The following TROAP variants were observed in gnomAD, a reference collection of about 807,000 sequenced individuals.
TROAP encodes the protein trophinin associated protein.
Under a neutral mutation model 83.4 loss-of-function variants are expected in TROAP, and 62 were observed. The ratio of observed to expected loss-of-function variants is 0.74; its 90% CI spans 0.61 to 0.92. The LOEUF is 0.92. Among genes scored for constraint, TROAP ranks in the 40% least tolerant of loss-of-function variants. The pLI is 0.00. For missense variants in TROAP, 876 were observed against 985.1 expected (o/e 0.89, Z 1.48); for synonymous variants, 352 against 386.4 (o/e 0.91, Z 1.04).
chr12:49,328,805 A>G (rs1160031948), intron 8 of TROAP, 122 bp from the exon 9 acceptor site: 2 of 1,346,622 alleles, frequency 1.5e-6, no homozygotes, highest in Non-Finnish European at 9.8e-7. Flanking sequence ...CGGAGCTTGC[A>G]GTGAGCCAAG....
Position 49,330,569 on chromosome 12 carries a change from T to C in TROAP, c.1724T>C (p.Leu575Pro), listed in dbSNP as rs1385049571. ...CCGGAGTCCTCTCGCCAGGAACAGCTTGAGGTACCTGAGCCCTGCCCTCCA... is the reference window on the plus strand; with the variant it reads ...CCGGAGTCCTCTCGCCAGGAACAGCCTGAGGTACCTGAGCCCTGCCCTCCA... Reference protein sequence around the residue: ...EIPESSRQEQLEVPEPCPPAE... With the variant: ...EIPESSRQEQPEVPEPCPPAE... Residue 575 changes from leucine (L) to proline (P), a missense_variant, in exon 13 of 15, where the codon CTT (leucine) becomes CCT (proline). Around this residue, in one of 3 missense-constraint regions of TROAP, gnomAD observed 3 missense variants for 24.1 expected, o/e 0.12. Coordinates refer to ENST00000257909, the MANE Select transcript of TROAP (RefSeq NM_005480.4). 3.7e-6 allele frequency: 6 copies of C among 1,613,804 alleles called. No homozygotes were observed. In the South Asian group the frequency reaches 6.6e-5, roughly 18 times the overall value.
In TROAP at chr12:49,330,171, G is replaced by T. The variant is rs1265461508; in HGVS notation, c.1326G>T (p.Leu442Phe). The T allele has an allele frequency of 6.2e-7, 1 of 1,613,962 alleles. No homozygotes were observed. The highest frequency in any genetic ancestry group is 1.7e-5 in the Admixed American group (1 of 60,010). Residue 442 changes from leucine (L) to phenylalanine (F), a missense_variant, in exon 13 of 15, where the codon TTG becomes TTT. By Grantham distance (22) the Leu-to-Phe change is conservative (BLOSUM62 0). Transcript: ENST00000257909. ...GCATCGGTATCCTGCAACAGCTGTT[G>T]AGACAGGAAGTAGAGGGGCTGGTAG... ...IQRIGILQQLLRQEVEGLVGG... is the reference protein window; with the variant it reads ...IQRIGILQQLFRQEVEGLVGG...
intron 5 of TROAP, 83 bp from the exon 6 acceptor site, chr12:49,325,993 G>A: frequency 2.5e-6 from 4 of 1,605,094 alleles, no homozygotes; most frequent in Non-Finnish European, 3.4e-6. Flanking sequence ...GGATCCTACT[G>A]GGGGAGATGG....
Position 49,331,405 on chromosome 12 carries a change from C to CT in TROAP, c.2291dup (p.Cys765ValfsTer29). ...TACATTACTCGAATGGCAGGATGCC[C>CT]TGGTGAGACTCCAACCCACAGCCCA... On this transcript the variant is annotated frameshift_variant and splice_region_variant, in exon 14 of 15. Transcript: ENST00000257909. LOFTEE classifies it high-confidence loss of function. 2.5e-6 allele frequency: 4 copies of CT among 1,612,382 alleles called. No individual in the cohort carries two copies. Among genetic ancestry groups the CT allele is most frequent in the Non-Finnish European group, 3.4e-6 (4 of 1,178,768 alleles).
In TROAP at chr12:49,331,259, T is replaced by C. The variant is rs1403121394; in HGVS notation, c.2144T>C (p.Leu715Pro). 3 of 1,614,126 alleles carry C rather than the reference T, an allele frequency of 1.9e-6. No homozygotes were observed. The highest frequency in any genetic ancestry group is 2.5e-6 in the Non-Finnish European group (3 of 1,180,024). Reference sequence around the variant, plus strand: ...CGAACCCTAGCCCTGAGGGAGCGCCTCAAATCGTGTTTAACCGCCATCCAC... The same window carrying C: ...CGAACCCTAGCCCTGAGGGAGCGCCCCAAATCGTGTTTAACCGCCATCCAC... The part of the protein sequence containing the change: ...APRTLALRER[L>P]KSCLTAIHCF... Residue 715 changes from leucine (L) to proline (P), a missense_variant, in exon 14 of 15, where the codon CTC becomes CCC. Around this residue, in one of 3 missense-constraint regions of TROAP, gnomAD observed 184 missense variants for 238.3 expected, o/e 0.77. Transcript: ENST00000257909.
rs1482309266 is a variant in TROAP at position 49,326,172 on chromosome 12, G to A, written c.716+14G>A. ...TGGCAGCAGCCGGTGAGAAAGGAGAGGGTGTGGGAGAAGGTCATCTGGAAA... is the reference window on the plus strand; with the variant it reads ...TGGCAGCAGCCGGTGAGAAAGGAGAAGGTGTGGGAGAAGGTCATCTGGAAA... On this transcript the variant is annotated intron_variant, in intron 6 of 14. Coordinates refer to ENST00000257909, the MANE Select transcript of TROAP (RefSeq NM_005480.4). The A allele has an allele frequency of 6.2e-7, 1 of 1,612,924 alleles. No homozygotes were observed. Among genetic ancestry groups the A allele is most frequent in the South Asian group, 1.1e-5 (1 of 91,042 alleles).
Position 49,323,988 on chromosome 12 carries a change from G to A in TROAP, c.288G>A (p.Arg96=), listed in dbSNP as rs1267417851. The A allele has an allele frequency of 6.2e-7, 1 of 1,614,062 alleles. No homozygotes were observed. Among genetic ancestry groups the A allele is most frequent in the African/African-American group, 1.3e-5 (1 of 74,926 alleles). ...CTCGGAACCCCTTGGAAGAGCTCAG[G>A]CCTAGCCCTAGGGGTCAAAATGTGG... is the stretch of plus-strand genomic sequence containing the variant. The part of the protein sequence containing the change: ...SQPRNPLEEL[R]PSPRGQNVGP... The change falls in exon 3 of 15, where the codon AGG becomes AGA. Residue 96 remains arginine, a synonymous_variant. Coordinates refer to ENST00000257909, the MANE Select transcript of TROAP (RefSeq NM_005480.4).
rs1943550649 is a variant in TROAP at position 49,329,778 on chromosome 12, C to T, written c.1165-79C>T. On this transcript the variant is annotated intron_variant, in intron 11 of 14. Transcript: ENST00000257909. This position sits in a 1 kb window ranked among gnomAD's most constrained non-coding sequence, Gnocchi z 4.5. ...TCTCAGTTAGGGGCTTCAATCCATT[C>T]CTCATGAGGGTGGGACTCAGGCTGG... 2.5e-5 allele frequency: 39 copies of T among 1,564,340 alleles called. No homozygotes were observed. The highest frequency in any genetic ancestry group is 3.9e-4 in the Middle Eastern group (2 of 5,078).
intron 2 of TROAP, 44 bp from the exon 3 acceptor site, chr12:49,323,801 C>G (rs1247295496): frequency 2.5e-6 from 4 of 1,613,758 alleles, no homozygotes; most frequent in Non-Finnish European, 3.4e-6. Context: ...AGTAATGCAC[C>G]CCAACACTAA....
At position 49,331,427 on chromosome 12, in the gene TROAP, C is replaced by T. The variant is rs761350667; in HGVS notation, c.2292+20C>T. On this transcript the variant is annotated intron_variant, in intron 14 of 14. Coordinates refer to ENST00000257909, the MANE Select transcript of TROAP (RefSeq NM_005480.4). ...GCCCTGGTGAGACTCCAACCCACAG[C>T]CCAGCTGTGGCTGCACAGTGAGCCT... The T allele has an allele frequency of 1.2e-6, 2 of 1,609,938 alleles. No individual in the cohort carries two copies. Among genetic ancestry groups the T allele is most frequent in the Admixed American group, 3.3e-5 (2 of 59,862 alleles).
chr12:49,331,445 G>A (rs1468808921), intron 14 of TROAP, 38 bp downstream of exon 14: 12 of 1,608,570 alleles, frequency 7.5e-6, no homozygotes, highest in Non-Finnish European at 1.0e-5. Flanking sequence ...TGGCTGCACA[G>A]TGAGCCTGAT....
chr12:49,323,497 C>A (rs1302600686), intron 1 of TROAP, 107 bp from the exon 2 acceptor site: 1 of 1,455,140 alleles, frequency 6.9e-7, no homozygotes, highest in African/African-American at 1.4e-5. Context: ...GGCTTGTGGG[C>A]GCGTGGATTA....
In TROAP at chr12:49,329,749, G is replaced by A; in HGVS notation, c.1165-108G>A. The stretch of plus-strand genomic sequence containing the variant: ...GCTGCCCCTCCTAATGTACATCTAG[G>A]GCCTCTCAGTTAGGGGCTTCAATCC... On this transcript the variant is annotated intron_variant, in intron 11 of 14. Coordinates refer to ENST00000257909, the MANE Select transcript of TROAP (RefSeq NM_005480.4). The surrounding 1 kb of genome is among the most constrained non-coding windows in gnomAD (Gnocchi z 4.5). 1 of 1,466,866 alleles carries A rather than the reference G, an allele frequency of 6.8e-7. No homozygotes were observed. Among genetic ancestry groups the A allele is most frequent in the Admixed American group, 2.1e-5 (1 of 47,432 alleles). 90.9% of individuals were successfully genotyped at this position (1,466,866 alleles called of 1,614,324 possible). A position where few individuals can be genotyped will look rare whatever the true frequency, so the allele number is the denominator to read the frequency against.
In TROAP at chr12:49,323,990, C is replaced by CT. The variant is rs1943449565; in HGVS notation, c.291dup (p.Ser98Ter). Reference sequence around the variant, plus strand: ...CGGAACCCCTTGGAAGAGCTCAGGCCTAGCCCTAGGGGTCAAAATGTGGGG... The same window carrying CT: ...CGGAACCCCTTGGAAGAGCTCAGGCCTTAGCCCTAGGGGTCAAAATGTGGGG... On this transcript the variant is annotated frameshift_variant, in exon 3 of 15. Transcript: ENST00000257909. LOFTEE classifies it high-confidence loss of function. 5.0e-6 allele frequency: 8 copies of CT among 1,614,078 alleles called. No homozygotes were observed. The highest frequency in any genetic ancestry group is 6.8e-6 in the Non-Finnish European group (8 of 1,180,040).
rs145333094 is a variant in TROAP at position 49,329,408 on chromosome 12, G to T, written c.1118G>T (p.Arg373Leu). 1.9e-6 allele frequency: 3 copies of T among 1,612,694 alleles called. No individual in the cohort carries two copies. The highest frequency in any genetic ancestry group is 1.3e-5 in the African/African-American group (1 of 74,922). The change falls in exon 11 of 15, where the codon CGT becomes CTT. Residue 373 changes from arginine (R) to leucine (L), a missense_variant. By Grantham distance (102) the Arg-to-Leu change is moderately radical. This residue lies in a region of TROAP where 689 missense variants were observed against 722.6 expected (regional missense o/e 0.95). Transcript: ENST00000257909. This position sits in a 1 kb window ranked among gnomAD's most constrained non-coding sequence, Gnocchi z 4.5. Reference protein sequence around the residue: ...TPRVQQAQWLRGVSPQSCSED... With the variant: ...TPRVQQAQWLLGVSPQSCSED... Reference sequence around the variant, plus strand: ...CTTCTGTGCCAGGCCCAGTGGCTGCGTGGTGTCTCCCCTCAGTCCTGCTCT... The same window carrying T: ...CTTCTGTGCCAGGCCCAGTGGCTGCTTGGTGTCTCCCCTCAGTCCTGCTCT...
At chr12:49,331,088 G>A (rs768329546) in intron 13 of TROAP, 126 bp from the exon 14 acceptor site, 2 of 1,527,984 alleles carry the variant, frequency 1.3e-6, no homozygotes, top group Non-Finnish European at 1.8e-6. Context: ...CAGGAAGAGG[G>A]GAGGGGCTGC....
intron 3 of TROAP, among the ~76,000 whole-genome samples, chr12:49,325,267 G>A (rs1943480418): frequency 6.6e-6 from 1 of 151,386 alleles, no homozygotes; most frequent in Non-Finnish European, 1.5e-5. Flanking sequence ...TGTTGGCCGG[G>A]TTGGTCTCAA....
chr12:49,324,036 A>G lies in TROAP; in HGVS notation c.336A>G (p.Thr112=). 1.9e-6 allele frequency: 3 copies of G among 1,612,826 alleles called. No homozygotes were observed. Among genetic ancestry groups the G allele is most frequent in the Non-Finnish European group, 2.5e-6 (3 of 1,179,206 alleles). ...TGGGGCCTGGGCCCCCTGCCCAGAC[A>G]GGTACCTGTTGGAGCCATGGTAACA... ...QNVGPGPPAQ[T]EAPGTIEFVA... is the part of the protein sequence containing the mutation. The change falls in exon 3 of 15, where the codon ACA becomes ACG. Residue 112 remains threonine (T), a splice_region_variant and synonymous_variant. Coordinates refer to ENST00000257909, the MANE Select transcript of TROAP (RefSeq NM_005480.4).
chr12:49,329,295 A>G lies in TROAP; in HGVS notation c.1104+51A>G, dbSNP rs1172967081. ...TGGCATAAGTCACAGCTAGGGGAGA[A>G]AGGAGATGGATGGGTACAGGAGAGA... On this transcript the variant is annotated intron_variant, in intron 10 of 14. Coordinates refer to ENST00000257909, the MANE Select transcript of TROAP (RefSeq NM_005480.4). The surrounding 1 kb of genome is among the most constrained non-coding windows in gnomAD (Gnocchi z 4.5). The G allele has an allele frequency of 1.2e-6, 2 of 1,613,230 alleles. No homozygotes were observed. Among genetic ancestry groups the G allele is most frequent in the South Asian group, 2.2e-5 (2 of 91,058 alleles).
Sources: gnomAD v4.1 joint callset for allele counts (sites outside exome capture counted in the v4.1 genomes callset) on GRCh38, gnomAD v4.1.1 for gene constraint, gnomAD v4.1.1 regional missense constraint, Gnocchi (gnomAD v3.1) non-coding constraint, MANE v1.5 for transcripts, NCBI Gene and HGNC (gene_info 2026-07-23, HGNC 2026-07-21) for gene names.